The following TLN2 variants were observed in gnomAD, a reference collection of about 807,000 sequenced individuals.
TLN2 encodes talin-2.
TLN2 carries 118 observed loss-of-function variants against 294.7 expected under a neutral mutation model. That is an observed-to-expected ratio of 0.40 (90% CI 0.34 to 0.47). TLN2 has a LOEUF of 0.47. Among genes scored for constraint, TLN2 ranks in the 20% least tolerant of loss-of-function variants. The probability of loss-of-function intolerance (pLI) is 0.84; values close to 1 mark genes in which losing one functional copy is unlikely to be tolerated. For synonymous variants in TLN2, 1,431 were observed against 1,304.5 expected (o/e 1.10, Z -2.09); for missense variants, 3,083 against 3,282.2 (o/e 0.94, Z 1.48).
At chr15:62,680,634 G>A (rs886711150) in intron 11 of TLN2, among the ~76,000 whole-genome samples, 1 of 151,404 alleles carries the variant, frequency 6.6e-6, no homozygotes, top group African/African-American at 2.4e-5. Context: ...TGTTACATGG[G>A]TGAATTATAT....
chr15:62,776,619 A>T, intron 42 of TLN2, 145 bp from the exon 43 acceptor site: 2 of 805,890 alleles, frequency 2.5e-6, no homozygotes, highest in Non-Finnish European at 3.3e-6. Flanking sequence ...CAAATGGCCA[A>T]ACATAAAGAA....
intron 23 of TLN2, among the ~76,000 whole-genome samples, chr15:62,716,682 T>G (rs58353835): frequency 0.03 from 4,596 of 152,294 alleles, 227 homozygotes; most frequent in African/African-American, 0.1. Flanking sequence ...ATTTAGACTC[T>G]TTTCAGGAGG....
chr15:62,820,482 C>A lies in TLN2; in HGVS notation c.6878-4C>A, dbSNP rs878955607. On this transcript the variant is annotated splice_polypyrimidine_tract_variant and splice_region_variant and intron_variant, in intron 53 of 58. Coordinates refer to ENST00000636159, the MANE Select transcript of TLN2 (RefSeq NM_015059.3). ...AGAATCACCTTCTTTTGGACTGATT[C>A]TAGGAACAGAGTGGGTGGATCCAGA... 3.1e-6 allele frequency: 5 copies of A among 1,613,734 alleles called. No individual in the cohort carries two copies. Among genetic ancestry groups the A allele is most frequent in the Non-Finnish European group, 4.2e-6 (5 of 1,179,808 alleles).
chr15:62,698,925 A>G (rs2058536222), intron 16 of TLN2, 58 bp downstream of exon 16: 2 of 1,493,998 alleles, frequency 1.3e-6, no homozygotes, highest in Admixed American at 1.9e-5. Context: ...AAGCAGGGTT[A>G]TATACTCTGT....
intron 1 of TLN2, among the ~76,000 whole-genome samples, chr15:62,446,134 G>C (rs2035810212): frequency 6.6e-6 from 1 of 152,032 alleles, no homozygotes; most frequent in Admixed American, 6.6e-5. Flanking sequence ...AGCCTCTAGA[G>C]TAGCTGAGAC....
chr15:62,763,785 C>A, intron 40 of TLN2, 90 bp downstream of exon 40: 1 of 1,420,420 alleles, frequency 7.0e-7, no homozygotes, highest in Non-Finnish European at 9.2e-7. Context: ...GGTTGTAGGG[C>A]CAAAATGTTT....
intron 10 of TLN2, 27 bp from the exon 11 acceptor site, chr15:62,675,190 T>C: frequency 6.2e-7 from 1 of 1,610,430 alleles, no homozygotes; most frequent in Non-Finnish European, 8.5e-7. Context: ...ATGCAATAAC[T>C]GGTCCCGACC....
chr15:62,675,483 AG>A (rs1003206536), intron 11 of TLN2, among the ~76,000 whole-genome samples, 162 bp downstream of exon 11: 22 of 152,170 alleles, frequency 1.4e-4, no homozygotes, highest in Non-Finnish European at 2.6e-4. Flanking sequence ...CACAGGCATG[AG>A]GGGTATGACC....
chr15:62,797,187 C>A, intron 47 of TLN2, 32 bp from the exon 48 acceptor site: 1 of 1,612,578 alleles, frequency 6.2e-7, no homozygotes, highest in Non-Finnish European at 8.5e-7. Flanking sequence ...CTCTGTCTCT[C>A]CCCCTCTCCC....
intron 3 of TLN2, among the ~76,000 whole-genome samples, chr15:62,619,523 C>T (rs2048594774): frequency 6.6e-6 from 1 of 152,192 alleles, no homozygotes; most frequent in African/African-American, 2.4e-5. Flanking sequence ...CCCACCTGCC[C>T]CCCTGCCAAA....
chr15:62,756,486 G>A (rs879495748), intron 37 of TLN2, among the ~76,000 whole-genome samples: 7 of 152,086 alleles, frequency 4.6e-5, no homozygotes, highest in African/African-American at 9.7e-5. Context: ...CAGCACCATC[G>A]CGCCAGCTCC....
At chr15:62,715,135 C>G (rs2059684869) in intron 22 of TLN2, among the ~76,000 whole-genome samples, 1 of 152,232 alleles carries the variant, frequency 6.6e-6, no homozygotes, top group Non-Finnish European at 1.5e-5. Flanking sequence ...AGATTCTATT[C>G]AAGAGGGTTG....
Position 62,707,172 on chromosome 15 carries a change from A to C in TLN2, c.2091A>C (p.Glu697Asp), listed in dbSNP as rs1283006841. Residue 697 changes from glutamate (E) to aspartate (D), a missense_variant, in exon 20 of 59, where the codon GAA (glutamate) becomes GAC (aspartate). Coordinates refer to ENST00000636159, the MANE Select transcript of TLN2 (RefSeq NM_015059.3). ...CAAAGAATGTTGCCCAAGTGGCCGA[A>C]GACACTGTCCTACAGAACAGGGTAA... The part of the protein sequence containing the change: ...LKAKNVAQVA[E>D]DTVLQNRVIA... The C allele has an allele frequency of 1.9e-6, 3 of 1,614,232 alleles. No individual in the cohort carries two copies. In the East Asian group the frequency reaches 6.7e-5, roughly 36 times the overall value.
At chr15:62,788,488 C>A (rs1338505359) in intron 45 of TLN2, among the ~76,000 whole-genome samples, 9 of 152,164 alleles carry the variant, frequency 5.9e-5, no homozygotes. Context: ...AGTCCTACCG[C>A]ATGTCAGATG....
At chr15:62,727,849 A>G (rs1167457977) in intron 28 of TLN2, among the ~76,000 whole-genome samples, 1 of 152,226 alleles carries the variant, frequency 6.6e-6, no homozygotes, top group Non-Finnish European at 1.5e-5. Flanking sequence ...AAAAATATGT[A>G]TGGAAGGAAA....
intron 9 of TLN2, among the ~76,000 whole-genome samples, chr15:62,660,920 CTG>C (rs1212040991): frequency 6.6e-6 from 1 of 152,160 alleles, no homozygotes; most frequent in Non-Finnish European, 1.5e-5. Flanking sequence ...AACTTTTAAA[CTG>C]TATTTTAAGT....
At chr15:62,634,974 T>C (rs970064178) in intron 3 of TLN2, among the ~76,000 whole-genome samples, 1 of 152,264 alleles carries the variant, frequency 6.6e-6, no homozygotes, top group Non-Finnish European at 1.5e-5. Context: ...CTATGCTAGA[T>C]GGTTTTTCTC....
intron 34 of TLN2, among the ~76,000 whole-genome samples, chr15:62,751,713 A>G (rs2061949380): frequency 2.0e-5 from 3 of 152,146 alleles, no homozygotes; most frequent in South Asian, 2.1e-4. Context: ...TGTGACCTTC[A>G]CTGTGACCTT....
At chr15:62,735,376 T>C (rs987633597) in intron 28 of TLN2, among the ~76,000 whole-genome samples, 3 of 152,216 alleles carry the variant, frequency 2.0e-5, no homozygotes, top group Non-Finnish European at 4.4e-5. Flanking sequence ...CTAGTTTATA[T>C]TCATCGTTTA....
Sources: allele counts gnomAD v4.1 joint callset (sites outside exome capture counted in the v4.1 genomes callset), GRCh38; gene constraint gnomAD v4.1.1; transcripts MANE v1.5; gene names NCBI Gene and HGNC (gene_info 2026-07-23, HGNC 2026-07-21).